The following BLK variants were observed in gnomAD, a reference collection of about 807,000 sequenced individuals.
BLK encodes the protein BLK proto-oncogene, Src family tyrosine kinase, also known as tyrosine-protein kinase Blk.
BLK carries 64 observed loss-of-function variants against 61.8 expected under a neutral mutation model. The ratio of observed to expected loss-of-function variants is 1.03; its 90% CI spans 0.85 to 1.27. The LOEUF (loss-of-function observed/expected upper bound fraction) is 1.27. Ranked by LOEUF, BLK falls within the 50% of genes most tolerant of loss-of-function variation. The pLI, the probability that BLK is intolerant of heterozygous loss-of-function variation, is 0.00. For missense variants in BLK, 853 were observed against 660.5 expected (o/e 1.29, Z -3.19); for synonymous variants, 351 against 272.0 (o/e 1.29, Z -2.86).
chr8:11,532,493 G>C (rs1327690996), intron 1 of BLK, among the ~76,000 whole-genome samples: 1 of 151,848 alleles, frequency 6.6e-6, no homozygotes, highest in Non-Finnish European at 1.5e-5. Context: ...TTACAGGCAT[G>C]AGCCGCCACT....
intron 11 of BLK, 110 bp downstream of exon 11, chr8:11,561,562 C>A: frequency 7.2e-7 from 1 of 1,384,974 alleles, no homozygotes; most frequent in Non-Finnish European, 1.0e-6. Flanking sequence ...CACCTGAGGG[C>A]TATACGGTTT....
At chr8:11,562,875 G>T (rs1563127353) in intron 11 of BLK, 104 bp from the exon 12 acceptor site, 1 of 1,546,832 alleles carries the variant, frequency 6.5e-7, no homozygotes, top group East Asian at 2.3e-5. Flanking sequence ...AGGCCCCGCA[G>T]TGGGGGCTTG....
intron 1 of BLK, among the ~76,000 whole-genome samples, chr8:11,518,640 C>T (rs942103998): frequency 6.6e-6 from 1 of 152,164 alleles, no homozygotes; most frequent in Non-Finnish European, 1.5e-5. Flanking sequence ...ACCCGCACCC[C>T]ACAATCTCCT....
At chr8:11,540,544 T>C (rs1014884590) in intron 1 of BLK, among the ~76,000 whole-genome samples, 4 of 152,170 alleles carry the variant, frequency 2.6e-5, no homozygotes, top group Non-Finnish European at 5.9e-5. Flanking sequence ...ATTCCATTTA[T>C]ATTAGGAACA....
intron 1 of BLK, among the ~76,000 whole-genome samples, chr8:11,537,748 A>C (rs1800191602): frequency 2.0e-5 from 3 of 151,930 alleles, no homozygotes; most frequent in African/African-American, 7.3e-5. Flanking sequence ...AAAAAGAAAA[A>C]CTCGTTATCC....
At chr8:11,561,270 G>A in intron 10 of BLK, 32 bp from the exon 11 acceptor site, 2 of 1,606,336 alleles carry the variant, frequency 1.2e-6, no homozygotes, top group Non-Finnish European at 1.7e-6. Context: ...GAGGCCCCCA[G>A]GCTGTCCTTC....
At chr8:11,496,968 C>T (rs973381604) in intron 1 of BLK, among the ~76,000 whole-genome samples, 4 of 152,180 alleles carry the variant, frequency 2.6e-5, no homozygotes, top group South Asian at 2.1e-4. Flanking sequence ...GACTGGCCAC[C>T]GGTGGCCAGC....
chr8:11,544,581 TC>T (rs1303904835), intron 2 of BLK, among the ~76,000 whole-genome samples: 3 of 152,178 alleles, frequency 2.0e-5, no homozygotes, highest in Non-Finnish European at 4.4e-5. Flanking sequence ...TTGAGTAATT[TC>T]CCCAAAATTA....
At position 11,532,138 on chromosome 8, in the gene BLK, C is replaced by A. The variant is rs1389157739; in HGVS notation, c.-1-11086C>A. On this transcript the variant is annotated intron_variant, in intron 1 of 12. Coordinates refer to ENST00000259089, the MANE Select transcript of BLK (RefSeq NM_001715.3). ...CCTCCCAAAGTGCTGGGATTACAGGCATGAGCCAATGTACCTGGTCATGTT... is the reference window on the plus strand; with the variant it reads ...CCTCCCAAAGTGCTGGGATTACAGGAATGAGCCAATGTACCTGGTCATGTT... 2.6e-5 allele frequency among the ~76,000 whole-genome samples: 4 copies of A among 151,764 alleles called. No individual in the cohort carries two copies. In the South Asian group the frequency reaches 6.2e-4, roughly 24 times the overall value.
At chr8:11,495,978 A>G (rs1232840834) in intron 1 of BLK, among the ~76,000 whole-genome samples, 2 of 152,224 alleles carry the variant, frequency 1.3e-5, no homozygotes, top group Non-Finnish European at 2.9e-5. Flanking sequence ...AATTAGACTC[A>G]TTCTTCCTCA....
At chr8:11,535,737 C>CA (rs2117403297) in intron 1 of BLK, among the ~76,000 whole-genome samples, 1 of 152,320 alleles carries the variant, frequency 6.6e-6, no homozygotes, top group African/African-American at 2.4e-5. Context: ...ACACTGTGAG[C>CA]CTCCTGGTAG....
chr8:11,516,479 T>A (rs1799230692), intron 1 of BLK, among the ~76,000 whole-genome samples: 1 of 152,198 alleles, frequency 6.6e-6, no homozygotes, highest in Non-Finnish European at 1.5e-5. Context: ...GAACATTTAT[T>A]AATAATCTAT....
intron 1 of BLK, among the ~76,000 whole-genome samples, chr8:11,533,348 C>T (rs1799970426): frequency 6.6e-6 from 1 of 152,170 alleles, no homozygotes; most frequent in Non-Finnish European, 1.5e-5. Flanking sequence ...GGAGGTGCTT[C>T]TCACTGCACG....
At chr8:11,561,612 G>A (rs1304509073) in intron 11 of BLK, among the ~76,000 whole-genome samples, 160 bp downstream of exon 11, 2 of 152,096 alleles carry the variant, frequency 1.3e-5, no homozygotes, top group Admixed American at 6.5e-5. Context: ...TTACCCAAAT[G>A]TGTTCAGCAG....
At chr8:11,509,463 T>C (rs1798912283) in intron 1 of BLK, 1 of 152,194 alleles carries the variant, frequency 6.6e-6, no homozygotes, top group Non-Finnish European at 1.5e-5. Context: ...TGAGCCAGTC[T>C]CTGTGCGGCA....
intron 2 of BLK, among the ~76,000 whole-genome samples, chr8:11,544,765 A>G (rs1800547247): frequency 6.6e-6 from 1 of 152,262 alleles, no homozygotes; most frequent in Non-Finnish European, 1.5e-5. Flanking sequence ...AGAGAAACAT[A>G]CATGCACATC....
intron 1 of BLK, among the ~76,000 whole-genome samples, chr8:11,525,476 A>T (rs1237659962): frequency 1.3e-4 from 5 of 37,554 alleles, no homozygotes; most frequent in African/African-American, 4.6e-4. Flanking sequence ...CATACAAAAC[A>T]TTCTGCAATT....
At position 11,543,279 on chromosome 8, in the gene BLK, G is replaced by T; in HGVS notation, c.55G>T (p.Asp19Tyr). Residue 19 changes from aspartate (D) to tyrosine (Y), a missense_variant, in exon 2 of 13, where the codon GAC becomes TAC. Asp to Tyr is a radical substitution (Grantham distance 160). Transcript: ENST00000259089. ...PDKEKPIKEK[D>Y]KGQWSPLKVS... The stretch of plus-strand genomic sequence containing the variant: ...CAAGGAAAAGCCGATCAAAGAGAAG[G>T]ACAAGGGCCAATGGAGCCCCCTGAA... 1 of 1,614,006 alleles carries T rather than the reference G, an allele frequency of 6.2e-7. No homozygotes were observed.
chr8:11,542,785 C>G (rs984183965), intron 1 of BLK, among the ~76,000 whole-genome samples: 2 of 152,256 alleles, frequency 1.3e-5, no homozygotes, highest in Non-Finnish European at 2.9e-5. Context: ...AAAGCCCCTG[C>G]TGTTTACCAA....
Sources: allele counts gnomAD v4.1 joint callset (sites outside exome capture counted in the v4.1 genomes callset), GRCh38; gene constraint gnomAD v4.1.1; transcripts MANE v1.5; gene names NCBI Gene and HGNC (gene_info 2026-07-23, HGNC 2026-07-21).